The following ING2 variants were observed in gnomAD, a reference collection of about 807,000 sequenced individuals.
ING2 encodes inhibitor of growth protein 2.
ING2 carries 7 observed loss-of-function variants against 30.6 expected under a neutral mutation model. That is an observed-to-expected ratio of 0.23 (90% confidence interval 0.13 to 0.43). The LOEUF (loss-of-function observed/expected upper bound fraction) is 0.43, where lower values mean the gene tolerates loss of function less well. ING2 is among the 20% of genes least tolerant of loss of function. The probability of loss-of-function intolerance (pLI) is 1.00; values close to 1 mark genes in which losing one functional copy is unlikely to be tolerated. For missense variants in ING2, 239 were observed against 334.9 expected (o/e 0.71, Z 2.24); for synonymous variants, 136 against 121.7 (o/e 1.12, Z -0.78).
At chr4:183,509,942 G>A (rs1377235845) in intron 1 of ING2, among the ~76,000 whole-genome samples, 2 of 148,156 alleles carry the variant, frequency 1.3e-5, no homozygotes, top group Non-Finnish European at 3.0e-5. Flanking sequence ...CACTATCTTG[G>A]CCAGGTTGGT....
chr4:183,506,285 C>T (rs1734644559), intron 1 of ING2: 2 of 1,304,162 alleles, frequency 1.5e-6, no homozygotes, highest in Non-Finnish European at 2.0e-6. Flanking sequence ...GGACGGCGAT[C>T]AGCAGCTCGG....
chr4:183,511,519 G>T lies in ING2; in HGVS notation c.*567G>T, dbSNP rs1734820663. ...ATAATGTGCTCTTATGAGAGTACGT[G>T]CTGCTGTCTTTTGCTTAGTAGCATT... is the stretch of plus-strand genomic sequence containing the variant. On this transcript the variant is annotated 3_prime_UTR_variant, in exon 2 of 2. Coordinates refer to ENST00000302327, the MANE Select transcript of ING2 (RefSeq NM_001564.4). 6.6e-6 allele frequency among the ~76,000 whole-genome samples: 1 copy of T among 152,186 alleles called. No homozygotes were observed. Among genetic ancestry groups the T allele is most frequent in the African/African-American group, 2.4e-5 (1 of 41,438 alleles).
At chr4:183,508,513 C>G (rs1734735447) in intron 1 of ING2, among the ~76,000 whole-genome samples, 1 of 152,122 alleles carries the variant, frequency 6.6e-6, no homozygotes. Flanking sequence ...GGTGTAAGTA[C>G]TCTGAACTGT....
intron 1 of ING2, chr4:183,506,216 C>G (rs1734642723): frequency 2.3e-6 from 3 of 1,303,568 alleles, no homozygotes; most frequent in Non-Finnish European, 3.0e-6. Context: ...GAGTCCGAAT[C>G]GGGGTTTGCA....
intron 1 of ING2, among the ~76,000 whole-genome samples, chr4:183,508,168 CTG>C (rs1484429428): frequency 6.6e-6 from 1 of 151,816 alleles, no homozygotes; most frequent in East Asian, 2.0e-4. Context: ...TGGAGATTAA[CTG>C]AGAAAATCTT....
Position 183,505,080 on chromosome 4 carries a change from G to A in ING2, c.-116G>A. 2 of 1,001,596 alleles carry A rather than the reference G, an allele frequency of 2.0e-6. No individual in the cohort carries two copies. Among genetic ancestry groups the A allele is most frequent in the Non-Finnish European group, 2.6e-6 (2 of 764,318 alleles). The allele number at this position is 1,001,596 out of a possible 1,614,324, so 62.0% of individuals were successfully genotyped here. A position where few individuals can be genotyped will look rare whatever the true frequency, so the allele number is the denominator to read the frequency against. ...GGGGAGCGCGGCCGTGCCCTCTCGA[G>A]CGGCTGCGGGGTCCCCGCGGCGCCG... On this transcript the variant is annotated 5_prime_UTR_variant, in exon 1 of 2. Coordinates refer to ENST00000302327, the MANE Select transcript of ING2 (RefSeq NM_001564.4).
At chr4:183,508,164 TTAAC>T (rs1205814956) in intron 1 of ING2, among the ~76,000 whole-genome samples, 3 of 151,976 alleles carry the variant, frequency 2.0e-5, no homozygotes, top group African/African-American at 4.8e-5. Flanking sequence ...GCTGTGGAGA[TTAAC>T]TGAGAAAATC....
chr4:183,509,630 G>T (rs1385984389), intron 1 of ING2, among the ~76,000 whole-genome samples: 7 of 151,744 alleles, frequency 4.6e-5, no homozygotes, highest in South Asian at 2.1e-4. Context: ...TGTATTTTTA[G>T]TAGAGACGGG....
Position 183,511,056 on chromosome 4 carries a change from A to G in ING2, c.*104A>G, listed in dbSNP as rs1734811667. Reference sequence around the variant, plus strand: ...GCATAAGACTATGCAATAATTTTTAATCATTAGTATTAATGGTGTATTAAA... The same window carrying G: ...GCATAAGACTATGCAATAATTTTTAGTCATTAGTATTAATGGTGTATTAAA... On this transcript the variant is annotated 3_prime_UTR_variant, in exon 2 of 2. Transcript: ENST00000302327. The G allele has an allele frequency of 1.5e-5, 13 of 887,812 alleles. No individual in the cohort carries two copies. Among genetic ancestry groups the G allele is most frequent in the Non-Finnish European group, 2.2e-5 (13 of 594,390 alleles). 55.0% of individuals were successfully genotyped at this position (887,812 alleles called of 1,614,324 possible).
At chr4:183,506,311 G>A (rs1438187742) in intron 1 of ING2, 1 of 1,304,068 alleles carries the variant, frequency 7.7e-7, no homozygotes, top group Admixed American at 2.3e-5. Flanking sequence ...CGCGGATCCT[G>A]GCTCCGCGTA....
intron 1 of ING2, among the ~76,000 whole-genome samples, chr4:183,507,857 TATAAA>T (rs1166599641): frequency 6.6e-6 from 1 of 152,158 alleles, no homozygotes; most frequent in Non-Finnish European, 1.5e-5. Flanking sequence ...CTGAAAAACT[TATAAA>T]ATGAGAAATA....
intron 1 of ING2, chr4:183,506,173 G>C: frequency 7.7e-7 from 1 of 1,290,764 alleles, no homozygotes; most frequent in Non-Finnish European, 1.0e-6. Context: ...GAGGGAGTCG[G>C]GGCTGTGCGG....
chr4:183,510,003 T>C (rs1333145402), intron 1 of ING2, among the ~76,000 whole-genome samples: 1 of 152,200 alleles, frequency 6.6e-6, no homozygotes, highest in African/African-American at 2.4e-5. Flanking sequence ...CCCAAAGTGC[T>C]GGGATTACAG....
rs1424909347 is a variant in ING2, at chr4:183,510,894, A to G, written c.785A>G (p.Asn262Ser). 1 of 1,611,820 alleles carries G rather than the reference A, an allele frequency of 6.2e-7. No individual in the cohort carries two copies. Among genetic ancestry groups the G allele is most frequent in the African/African-American group, 1.3e-5 (1 of 74,898 alleles). The change falls in exon 2 of 2, where the codon AAT (asparagine) becomes AGT (serine). Residue 262 changes from asparagine (N) to serine (S), a missense_variant. Asn to Ser is a conservative substitution (Grantham distance 46, BLOSUM62 1). This residue lies in a region of ING2 where 22 missense variants were observed against 77.0 expected (regional missense o/e 0.29). Coordinates refer to ENST00000302327, the MANE Select transcript of ING2 (RefSeq NM_001564.4). The stretch of plus-strand genomic sequence containing the variant: ...TATTGCCCAAAGTGCAGGGGAGATA[A>G]TGAGAAAACAATGGACAAAAGTACT... Reference protein sequence around the residue: ...KWYCPKCRGDNEKTMDKSTEK... With the variant: ...KWYCPKCRGDSEKTMDKSTEK...
intron 1 of ING2, among the ~76,000 whole-genome samples, chr4:183,509,263 G>C (rs1734755910): frequency 6.6e-6 from 1 of 152,174 alleles, no homozygotes; most frequent in Non-Finnish European, 1.5e-5. Flanking sequence ...TGTAAACACA[G>C]TTGGGCAGTA....
intron 1 of ING2, among the ~76,000 whole-genome samples, chr4:183,507,243 G>T (rs1560969567): frequency 3.3e-5 from 5 of 152,284 alleles, no homozygotes; most frequent in Admixed American, 2.6e-4. Flanking sequence ...TGGGATTACA[G>T]GCAACTGCCA....
At chr4:183,506,166 G>A in intron 1 of ING2, 1 of 1,275,010 alleles carries the variant, frequency 7.8e-7, no homozygotes, top group Non-Finnish European at 1.0e-6. Flanking sequence ...TGCTGGGGAG[G>A]GAGTCGGGGC....
In ING2 at chr4:183,511,206, T is replaced by C. The variant is rs1251200482; in HGVS notation, c.*254T>C. On this transcript the variant is annotated 3_prime_UTR_variant, in exon 2 of 2. Transcript: ENST00000302327. ...CAGGAAGAGGGTGGTGTAAACATTA[T>C]AAAAATTTCACAAACCATGCCTATT... 1.4e-5 allele frequency: 4 copies of C among 284,862 alleles called. No homozygotes were observed. Among genetic ancestry groups the C allele is most frequent in the Admixed American group, 4.9e-5 (1 of 20,318 alleles). 17.6% of individuals were successfully genotyped at this position (284,862 alleles called of 1,614,324 possible).
Position 183,512,210 on chromosome 4 carries a change from T to C in ING2, c.*1258T>C, listed in dbSNP as rs1470019797. Among the ~76,000 whole-genome samples, 2 of 152,160 alleles carry C rather than the reference T, an allele frequency of 1.3e-5. No individual in the cohort carries two copies. Among genetic ancestry groups the C allele is most frequent in the Non-Finnish European group, 2.9e-5 (2 of 68,036 alleles). ...ATCTGATGATCTTGATTCTTTTTGA[T>C]TAACATGAAAAATCCTGTCTGCTTG... On this transcript the variant is annotated 3_prime_UTR_variant, in exon 2 of 2. Coordinates refer to ENST00000302327, the MANE Select transcript of ING2 (RefSeq NM_001564.4).
Sources: gnomAD v4.1 joint callset for allele counts (sites outside exome capture counted in the v4.1 genomes callset) on GRCh38, gnomAD v4.1.1 for gene constraint, gnomAD v4.1.1 regional missense constraint, MANE v1.5 for transcripts, NCBI Gene and HGNC (gene_info 2026-07-23, HGNC 2026-07-21) for gene names.